The following AGBL4 variants were observed in gnomAD, a reference collection of about 807,000 sequenced individuals.
AGBL4 encodes the protein cytosolic carboxypeptidase 6.
In AGBL4, 58 loss-of-function variants were observed where a neutral mutation model predicts 66.4. The observed-to-expected ratio is 0.87, with a 90% CI of 0.71 to 1.09. The LOEUF (loss-of-function observed/expected upper bound fraction) is 1.09, where lower values mean the gene tolerates loss of function less well. Among genes scored for constraint, AGBL4 ranks in the 50% least tolerant of loss-of-function variants. AGBL4 has a pLI of 0.00. For missense variants in AGBL4, 579 were observed against 631.0 expected (o/e 0.92, Z 0.88); for synonymous variants, 234 against 222.9 (o/e 1.05, Z -0.44).
chr1:49,494,959 T>G (rs537684092), intron 3 of AGBL4, among the ~76,000 whole-genome samples: 7 of 152,196 alleles, frequency 4.6e-5, no homozygotes, highest in African/African-American at 1.7e-4. Context: ...TAGTACAATT[T>G]TAATATACTT....
At chr1:48,839,398 A>G (rs1163497400) in intron 6 of AGBL4, among the ~76,000 whole-genome samples, 2 of 151,850 alleles carry the variant, frequency 1.3e-5, no homozygotes, top group Admixed American at 6.6e-5. Context: ...TTTGACATAA[A>G]GAAGAATGAA....
At chr1:49,090,252 G>T (rs1368656421) in intron 4 of AGBL4, among the ~76,000 whole-genome samples, 1 of 152,090 alleles carries the variant, frequency 6.6e-6, no homozygotes, top group Non-Finnish European at 1.5e-5. Flanking sequence ...TCAGGCAAGA[G>T]AACAAAATAA....
rs562697262 is a variant in AGBL4, at chr1:48,576,061, C to A, written c.1267+10943G>T. On this transcript the variant is annotated intron_variant, in intron 11 of 13. Coordinates refer to ENST00000371839, the MANE Select transcript of AGBL4 (RefSeq NM_032785.4). ...CTACTCCCTCTGCTTCATGAGAGCTCTTTAGAGCAGGGGTCCTCAAGCCCC... is the reference window on the plus strand; with the variant it reads ...CTACTCCCTCTGCTTCATGAGAGCTATTTAGAGCAGGGGTCCTCAAGCCCC... Among the ~76,000 whole-genome samples the A allele has an allele frequency of 2.0e-5, 3 of 152,288 alleles. No individual in the cohort carries two copies. The East Asian group carries it at 5.8e-4, about 29-fold the overall frequency.
intron 3 of AGBL4, among the ~76,000 whole-genome samples, chr1:49,560,431 T>TA (rs1306667866): frequency 2.0e-5 from 3 of 151,726 alleles, no homozygotes; most frequent in Admixed American, 6.6e-5. Flanking sequence ...CACAGAGTAT[T>TA]AAAAAAAGAC....
intron 4 of AGBL4, among the ~76,000 whole-genome samples, chr1:49,137,100 C>A (rs1646026975): frequency 6.6e-6 from 1 of 152,078 alleles, no homozygotes; most frequent in African/African-American, 2.4e-5. Context: ...CAGCAGTCTG[C>A]CAGATGTTTT....
At chr1:49,196,761 T>A (rs199997407) in intron 4 of AGBL4, among the ~76,000 whole-genome samples, 1 of 152,048 alleles carries the variant, frequency 6.6e-6, no homozygotes, top group East Asian at 1.9e-4. Context: ...GTCTTGAGGA[T>A]GTTATTATAA....
chr1:49,070,581 C>A (rs1431130550), intron 4 of AGBL4, among the ~76,000 whole-genome samples: 1 of 151,928 alleles, frequency 6.6e-6, no homozygotes, highest in South Asian at 2.1e-4. Context: ...AGGGATGAAA[C>A]CGACTTGATT....
Position 49,293,007 on chromosome 1 carries a change from G to A in AGBL4, c.283-47143C>T, listed in dbSNP as rs569108676. ...GCAAAGAAAAGGAGAAAAGAGCTGC[G>A]GCCCTTTGGGAAGCCCAGACCTGGG... On this transcript the variant is annotated intron_variant, in intron 3 of 13. Coordinates refer to ENST00000371839, the MANE Select transcript of AGBL4 (RefSeq NM_032785.4). Among the ~76,000 whole-genome samples, 21 of 152,292 alleles carry A rather than the reference G, an allele frequency of 1.4e-4. No homozygotes were observed. In the East Asian group the frequency reaches 2.9e-3, roughly 21 times the overall value.
At chr1:48,724,942 T>C (rs1289201634) in intron 6 of AGBL4, among the ~76,000 whole-genome samples, 1 of 152,138 alleles carries the variant, frequency 6.6e-6, no homozygotes, top group East Asian at 1.9e-4. Flanking sequence ...TCTACACAAC[T>C]CACTGGCCTG....
chr1:48,568,628 C>T (rs924965869), intron 11 of AGBL4, among the ~76,000 whole-genome samples: 1 of 152,204 alleles, frequency 6.6e-6, no homozygotes, highest in Admixed American at 6.5e-5. Context: ...GAAGAATACT[C>T]CAACCACAGC....
chr1:48,768,877 T>C (rs1408831589), intron 6 of AGBL4, among the ~76,000 whole-genome samples: 1 of 152,200 alleles, frequency 6.6e-6, no homozygotes, highest in Non-Finnish European at 1.5e-5. Context: ...ACACAGTGCA[T>C]TCTCTGGCCG....
At chr1:48,616,585 T>C (rs1487286498) in intron 9 of AGBL4, among the ~76,000 whole-genome samples, 1 of 152,224 alleles carries the variant, frequency 6.6e-6, no homozygotes, top group East Asian at 1.9e-4. Flanking sequence ...CCGAGCTTCA[T>C]ATTCCTCTTT....
chr1:49,431,770 T>C (rs998974861), intron 3 of AGBL4, among the ~76,000 whole-genome samples: 10 of 152,098 alleles, frequency 6.6e-5, no homozygotes, highest in African/African-American at 2.2e-4. Context: ...ATTAAACTTA[T>C]AATAGTACAG....
At chr1:49,517,797 G>A (rs912615804) in intron 3 of AGBL4, among the ~76,000 whole-genome samples, 2 of 151,958 alleles carry the variant, frequency 1.3e-5, no homozygotes, top group Non-Finnish European at 2.9e-5. Flanking sequence ...ATTTCTGGAA[G>A]CATTTACAAC....
chr1:49,267,103 T>C (rs1643938744), intron 3 of AGBL4, among the ~76,000 whole-genome samples: 1 of 152,204 alleles, frequency 6.6e-6, no homozygotes, highest in South Asian at 2.1e-4. Context: ...CAAGAACTCT[T>C]GGAGCTTTGG....
At position 49,701,957 on chromosome 1, in the gene AGBL4, C is replaced by T. The variant is rs527283722; in HGVS notation, c.158-4520G>A. Reference sequence around the variant, plus strand: ...AAGTAACATTACTAGAAATGAATAGCGGTATTTCATGATGAAAAAGGGTAA... The same window carrying T: ...AAGTAACATTACTAGAAATGAATAGTGGTATTTCATGATGAAAAAGGGTAA... On this transcript the variant is annotated intron_variant, in intron 2 of 13. Transcript: ENST00000371839. 1.2e-3 allele frequency among the ~76,000 whole-genome samples: 178 copies of T among 151,546 alleles called. 2 individuals are homozygous for T. Among genetic ancestry groups the T allele is most frequent in the Middle Eastern group, 3.4e-3 (1 of 290 alleles).
intron 6 of AGBL4, among the ~76,000 whole-genome samples, chr1:48,836,405 A>G (rs1646672358): frequency 6.6e-6 from 1 of 152,014 alleles, no homozygotes; most frequent in Admixed American, 6.6e-5. Context: ...GTGATCTTAA[A>G]GCTTTTCTTC....
intron 5 of AGBL4, among the ~76,000 whole-genome samples, chr1:49,032,301 A>C (rs955509025): frequency 1.3e-5 from 2 of 152,194 alleles, no homozygotes; most frequent in African/African-American, 2.4e-5. Flanking sequence ...AAATCATTGA[A>C]TATGGTAGCA....
chr1:49,463,411 T>C (rs1174286193), intron 3 of AGBL4, among the ~76,000 whole-genome samples: 1 of 151,726 alleles, frequency 6.6e-6, no homozygotes, highest in Non-Finnish European at 1.5e-5. Context: ...GACCACATTT[T>C]ACTATGAATA....
Sources: gnomAD v4.1 joint callset for allele counts (sites outside exome capture counted in the v4.1 genomes callset) on GRCh38, gnomAD v4.1.1 for gene constraint, MANE v1.5 for transcripts, NCBI Gene and HGNC (gene_info 2026-07-23, HGNC 2026-07-21) for gene names.